The following TOP6BL variants were observed in gnomAD, a reference collection of about 807,000 sequenced individuals.
TOP6BL encodes type 2 DNA topoisomerase 6 subunit B-like.
At chr11:66,744,819 G>GGGCGGCGGGGGC in the TOP6BL span, 5 of 1,230,232 alleles carry the variant, frequency 4.1e-6, no homozygotes, top group South Asian at 2.8e-5. Context: ...GCTGAGGAGG[G>GGGCGGCGGGGGC]GGCGGCGGCG....
At chr11:66,842,921 GC>G in the TOP6BL span, 1 of 1,562,920 alleles carries the variant, frequency 6.4e-7, no homozygotes, top group Non-Finnish European at 8.7e-7. Context: ...CGAGCTCTGC[GC>G]TCTGCCAGGG....
the TOP6BL span, among the ~76,000 whole-genome samples, chr11:66,764,975 A>G: frequency 6.6e-6 from 1 of 152,122 alleles, no homozygotes; most frequent in South Asian, 2.1e-4. Context: ...CTCCAAAAAA[A>G]AAAAGCTATA....
chr11:66,811,215 T>G, the TOP6BL span, among the ~76,000 whole-genome samples: 1 of 152,244 alleles, frequency 6.6e-6, no homozygotes, highest in South Asian at 2.1e-4. Flanking sequence ...TTGCCCAGGC[T>G]GGAGTGCAGT....
the TOP6BL span, among the ~76,000 whole-genome samples, chr11:66,834,388 G>C: frequency 1.3e-5 from 2 of 152,138 alleles, no homozygotes; most frequent in African/African-American, 4.8e-5. Flanking sequence ...ACATCCTCTG[G>C]TAATGGCCAT....
the TOP6BL span, among the ~76,000 whole-genome samples, chr11:66,815,280 T>C: frequency 1.9e-4 from 29 of 152,302 alleles, 1 homozygote; most frequent in East Asian, 2.7e-3. Flanking sequence ...TCAGTTAACT[T>C]TGGAAATGAA....
the TOP6BL span, among the ~76,000 whole-genome samples, chr11:66,779,899 CT>C: frequency 2.6e-5 from 4 of 151,070 alleles, no homozygotes; most frequent in Admixed American, 1.3e-4. Flanking sequence ...TCTCAGCATA[CT>C]TTTACAAGGA....
At chr11:66,820,979 T>C in the TOP6BL span, among the ~76,000 whole-genome samples, 4 of 152,148 alleles carry the variant, frequency 2.6e-5, no homozygotes, top group Non-Finnish European at 5.9e-5. Flanking sequence ...AGAGGCATCT[T>C]TCCCACTCCC....
At chr11:66,769,802 GCA>G in the TOP6BL span, among the ~76,000 whole-genome samples, 1 of 151,726 alleles carries the variant, frequency 6.6e-6, no homozygotes, top group Non-Finnish European at 1.5e-5. Context: ...GTGCAGTGGT[GCA>G]ATCTTGGCTC....
At chr11:66,745,057 C>T in the TOP6BL span, 8 of 924,254 alleles carry the variant, frequency 8.7e-6, no homozygotes, top group African/African-American at 1.2e-4. Flanking sequence ...GGCCCGTCTC[C>T]CACGGGGAAG....
chr11:66,751,636 C>T, the TOP6BL span, among the ~76,000 whole-genome samples: 1 of 151,888 alleles, frequency 6.6e-6, no homozygotes, highest in African/African-American at 2.4e-5. Context: ...TGTGCTCAGC[C>T]CTAAATTGTT....
At chr11:66,821,286 ATTTTTTTT>A in the TOP6BL span, among the ~76,000 whole-genome samples, 1 of 106,342 alleles carries the variant, frequency 9.4e-6, no homozygotes, top group East Asian at 2.6e-4. Context: ...ACATCTGGTA[ATTTTTTTT>A]TTTTTTTTTT....
chr11:66,804,206 A>C, the TOP6BL span: 1 of 1,583,506 alleles, frequency 6.3e-7, no homozygotes, highest in Admixed American at 1.8e-5. Flanking sequence ...CTTTTGATGA[A>C]AAGTTCCATC....
the TOP6BL span, among the ~76,000 whole-genome samples, chr11:66,837,570 G>C: frequency 6.6e-6 from 1 of 150,498 alleles, no homozygotes; most frequent in Non-Finnish European, 1.5e-5. Context: ...TCAGCCTCCT[G>C]AGTAGCTGGG....
the TOP6BL span, among the ~76,000 whole-genome samples, chr11:66,841,687 G>C: frequency 2.2e-4 from 33 of 152,324 alleles, no homozygotes; most frequent in African/African-American, 7.9e-4. Flanking sequence ...AGGCAAGGTG[G>C]TGTGTGCCTT....
the TOP6BL span, among the ~76,000 whole-genome samples, chr11:66,833,340 G>A: frequency 1.3e-5 from 2 of 152,018 alleles, no homozygotes; most frequent in South Asian, 2.1e-4. Context: ...GGTAATTAGG[G>A]ATTTAGGGCC....
At chr11:66,795,459 A>C in the TOP6BL span, among the ~76,000 whole-genome samples, 6 of 151,658 alleles carry the variant, frequency 4.0e-5, no homozygotes, top group South Asian at 1.3e-3. Context: ...ATGCCACCAC[A>C]CCTGGCTAAT....
chr11:66,833,532 G>C, the TOP6BL span, among the ~76,000 whole-genome samples: 5 of 152,142 alleles, frequency 3.3e-5, no homozygotes, highest in African/African-American at 9.7e-5. Flanking sequence ...TTCAGGGTAA[G>C]GCATGTGCTG....
At chr11:66,813,783 G>T in the TOP6BL span, 1 of 1,324,110 alleles carries the variant, frequency 7.6e-7, no homozygotes. Context: ...GTGTAAACCA[G>T]GTCAGTGTTG....
chr11:66,796,057 C>G, the TOP6BL span: 2 of 466,048 alleles, frequency 4.3e-6, no homozygotes, highest in Non-Finnish European at 7.7e-6. Flanking sequence ...GATCTTTATT[C>G]TCGTGTCTTC....
Sources: allele counts gnomAD v4.1 joint callset (sites outside exome capture counted in the v4.1 genomes callset), GRCh38; gene constraint gnomAD v4.1.1; transcripts MANE v1.5; gene names NCBI Gene and HGNC (gene_info 2026-07-23, HGNC 2026-07-21).